Variants in ARHGEF1 observed in about 807,000 individuals in gnomAD.
The protein encoded by ARHGEF1 is Rho guanine nucleotide exchange factor 1, also known as 115 kDa guanine nucleotide exchange factor.
ARHGEF1 carries 40 observed loss-of-function variants against 119.7 expected under a neutral mutation model. The observed-to-expected ratio is 0.33, with a 90% confidence interval of 0.26 to 0.44. The LOEUF is 0.44. ARHGEF1 is among the 20% of genes least tolerant of loss of function. The pLI, the probability that ARHGEF1 is intolerant of heterozygous loss-of-function variation, is 1.00. For synonymous variants in ARHGEF1, 494 were observed against 521.0 expected (o/e 0.95, Z 0.71); for missense variants, 976 against 1,268.3 (o/e 0.77, Z 3.50).
intron 4 of ARHGEF1, chr19:41,890,303 C>T (rs980491589): frequency 1.3e-5 from 2 of 149,106 alleles, no homozygotes; most frequent in African/African-American, 5.0e-5. Context: ...AGTGATTGCA[C>T]CACTGCACTC....
rs782252084 is a variant in ARHGEF1 at position 41,905,846 on chromosome 19, T to C, written c.2404+19T>C. 6 of 1,613,932 alleles carry C rather than the reference T, an allele frequency of 3.7e-6. No individual in the cohort carries two copies. In the Admixed American group the frequency reaches 1.0e-4, roughly 27 times the overall value. ...GCTGATGGTGAGACCAGAGGGATGC[T>C]GGGTGAGGGGCCAGGTTGGGGCTGC... is the stretch of plus-strand genomic sequence containing the variant. On this transcript the variant is annotated intron_variant, in intron 25 of 28. Transcript: ENST00000354532. The surrounding 1 kb of genome is among the most constrained non-coding windows in gnomAD (Gnocchi z 6.4).
chr19:41,887,675 C>G (rs1384053682), intron 1 of ARHGEF1, among the ~76,000 whole-genome samples: 2 of 152,278 alleles, frequency 1.3e-5, no homozygotes, highest in East Asian at 3.9e-4. Flanking sequence ...TCCTCTAACC[C>G]TCCCATCCCC....
chr19:41,884,270 G>T (rs1263105894), intron 1 of ARHGEF1: 2 of 719,846 alleles, frequency 2.8e-6, no homozygotes, highest in Non-Finnish European at 4.5e-6. Context: ...GGCCTGCGTG[G>T]CGCAGTACAG....
intron 14 of ARHGEF1, among the ~76,000 whole-genome samples, chr19:41,900,378 A>C (rs1384435208): frequency 6.6e-6 from 1 of 152,212 alleles, no homozygotes; most frequent in Non-Finnish European, 1.5e-5. Flanking sequence ...CACTGACTTA[A>C]AATTTCATTG....
At chr19:41,923,253 C>T (rs1555852817) in intron 1 of ARHGEF1, 2 of 448,066 alleles carry the variant, frequency 4.5e-6, no homozygotes, top group African/African-American at 2.0e-5. Flanking sequence ...ACTCTAGGCC[C>T]CCGATATTTG....
At position 41,903,840 on chromosome 19, in the gene ARHGEF1, C is replaced by T. The variant is rs1338839775; in HGVS notation, c.1917+56C>T. 6.4e-7 allele frequency: 1 copy of T among 1,565,594 alleles called. No homozygotes were observed. On this transcript the variant is annotated intron_variant, in intron 20 of 28. Transcript: ENST00000354532. The surrounding 1 kb of genome is among the most constrained non-coding windows in gnomAD (Gnocchi z 4.2). ...CCCCTACTCCTTGGCCCAGGGGATT[C>T]TGTGATACAGCCCCCAGCCTGTCCT...
At chr19:41,893,871 T>C (rs12973418) in intron 8 of ARHGEF1, among the ~76,000 whole-genome samples, 2 of 70,082 alleles carry the variant, frequency 2.9e-5, no homozygotes, top group Non-Finnish European at 4.7e-5. Context: ...GGGCCTGGAC[T>C]CCTGGGTCTG....
rs199751095 is a variant in ARHGEF1, at chr19:41,896,455, G to A, written c.1094G>A (p.Ser365Asn). The change falls in exon 13 of 29, where the codon AGT becomes AAT. Residue 365 changes from serine to asparagine, a missense_variant. By Grantham distance (46) the Ser-to-Asn change is conservative. Transcript: ENST00000354532. ...MSLESLAPPE[S>N]TDEGAETESP... The stretch of plus-strand genomic sequence containing the variant: ...CTGGAGTCCTTGGCGCCCCCAGAGA[G>A]TACCGACGAGGGGGCCGAAACCGAG... 2,472 of 1,487,636 alleles carry A rather than the reference G, an allele frequency of 1.7e-3. 3 individuals are homozygous for A. The highest frequency in any genetic ancestry group is 1.8e-3 in the Non-Finnish European group (2,058 of 1,118,914). 92.2% of individuals were successfully genotyped at this position (1,487,636 alleles called of 1,614,324 possible).
At chr19:41,884,411 G>C in intron 1 of ARHGEF1, 2 of 1,597,160 alleles carry the variant, frequency 1.3e-6, no homozygotes, top group East Asian at 2.2e-5. Flanking sequence ...CGACGCGGCG[G>C]CAGGGGTGGG....
chr19:41,892,837 T>C lies in ARHGEF1; in HGVS notation c.602T>C (p.Leu201Pro). 6.4e-7 allele frequency: 1 copy of C among 1,552,496 alleles called. No individual in the cohort carries two copies. The highest frequency in any genetic ancestry group is 8.7e-7 in the Non-Finnish European group (1 of 1,153,036). The change falls in exon 7 of 29, where the codon CTG (leucine) becomes CCG (proline). Residue 201 changes from leucine (L) to proline (P), a missense_variant. This residue lies in a region of ARHGEF1 where 519 missense variants were observed against 580.9 expected (regional missense o/e 0.89). Transcript: ENST00000354532. This position sits in a 1 kb window ranked among gnomAD's most constrained non-coding sequence, Gnocchi z 6.3. Reference sequence around the variant, plus strand: ...GTGGCGGAGCGGCTGCTCATGCACCTGGAGGAGATGCAGTGAGTAGGCCAG... The same window carrying C: ...GTGGCGGAGCGGCTGCTCATGCACCCGGAGGAGATGCAGTGAGTAGGCCAG... ...RHVAERLLMH[L>P]EEMQHTISTD... is the part of the protein sequence containing the mutation.
At chr19:41,920,996 C>G (rs1296901824), upstream of ARHGEF1, among the ~76,000 whole-genome samples, 1 of 152,224 alleles carries the variant, frequency 6.6e-6, no homozygotes, top group African/African-American at 2.4e-5. Flanking sequence ...TCTCAGTCTC[C>G]GCACGATGTC....
chr19:41,906,135 A>C lies in ARHGEF1; in HGVS notation c.2491+110A>C. The stretch of plus-strand genomic sequence containing the variant: ...ATTTCCTTACGCCCAGCTGCCAGAA[A>C]ACAAATGCTCCAAACCCACCCAGCC... On this transcript the variant is annotated intron_variant, in intron 26 of 28. Coordinates refer to ENST00000354532, the MANE Select transcript of ARHGEF1 (RefSeq NM_004706.4). The surrounding 1 kb of genome is among the most constrained non-coding windows in gnomAD (Gnocchi z 4.5). 1 of 1,116,460 alleles carries C rather than the reference A, an allele frequency of 9.0e-7. No homozygotes were observed. The allele number at this position is 1,116,460 out of a possible 1,614,324, so 69.2% of individuals were successfully genotyped here.
At chr19:41,912,230 C>A (rs1209129822), downstream of ARHGEF1, among the ~76,000 whole-genome samples, 1 of 152,220 alleles carries the variant, frequency 6.6e-6, no homozygotes, top group African/African-American at 2.4e-5. Context: ...AGTGTGACCC[C>A]TTCTAGAAAC....
rs976974305 is a variant in ARHGEF1, at chr19:41,895,288, C to T, written c.878-61C>T. The T allele has an allele frequency of 3.5e-5, 54 of 1,544,208 alleles. No individual in the cohort carries two copies. In the African/African-American group the frequency reaches 4.2e-4, roughly 12 times the overall value. On this transcript the variant is annotated intron_variant, in intron 11 of 28. Coordinates refer to ENST00000354532, the MANE Select transcript of ARHGEF1 (RefSeq NM_004706.4). ...GAGCACAGCCTCTTGCATCCCCTGG[C>T]GGTTGTGGATTTGAGTTACTGTTCT... is the stretch of plus-strand genomic sequence containing the variant.
chr19:41,910,716 G>T (rs1350070788), downstream of ARHGEF1, among the ~76,000 whole-genome samples: 1 of 152,084 alleles, frequency 6.6e-6, no homozygotes. This position sits in a 1 kb window ranked among gnomAD's most constrained non-coding sequence, Gnocchi z 4.4. Context: ...AGTCCAGAAC[G>T]ATGTGTGTGT....
chr19:41,893,359 A>AG (rs2074409760), intron 8 of ARHGEF1, 56 bp downstream of exon 8: 14 of 1,160,600 alleles, frequency 1.2e-5, no homozygotes, highest in East Asian at 8.7e-5. Context: ...GAGGGGGCTG[A>AG]GGGCCTGGAC....
chr19:41,912,264 A>G (rs1441809967), downstream of ARHGEF1, among the ~76,000 whole-genome samples: 1 of 152,168 alleles, frequency 6.6e-6, no homozygotes, highest in East Asian at 1.9e-4. Context: ...ACAGGGACAC[A>G]CTGAAATGAG....
chr19:41,892,150 C>A lies in ARHGEF1; in HGVS notation c.324+27C>A, dbSNP rs375398374. The A allele has an allele frequency of 6.3e-7, 1 of 1,597,086 alleles. No individual in the cohort carries two copies. The highest frequency in any genetic ancestry group is 2.2e-5 in the East Asian group (1 of 44,638). On this transcript the variant is annotated intron_variant, in intron 5 of 28. Transcript: ENST00000354532. The surrounding 1 kb of genome is among the most constrained non-coding windows in gnomAD (Gnocchi z 6.3). ...TGAGAGACCTTCAAGCTGCCCCAAC[C>A]CTGCAATCCCTGTTTGGGCCTGCAG...
chr19:41,904,300 C>T lies in ARHGEF1; in HGVS notation c.2078C>T (p.Thr693Ile). The change falls in exon 22 of 29, where the codon ACA becomes ATA. Residue 693 changes from threonine to isoleucine, a missense_variant. Physicochemically the swap from Thr to Ile is moderately conservative, Grantham distance 89 (BLOSUM62 -1). Around this residue, in one of 3 missense-constraint regions of ARHGEF1, gnomAD observed 286 missense variants for 506.8 expected, o/e 0.56. Coordinates refer to ENST00000354532, the MANE Select transcript of ARHGEF1 (RefSeq NM_004706.4). The surrounding 1 kb of genome is among the most constrained non-coding windows in gnomAD (Gnocchi z 8.4). ...ERLLLKSHSR[T>I]LTPTPDGKTM... Reference sequence around the variant, plus strand: ...CTGCTGCTCAAGTCCCATAGCCGGACACTGACGCCCACGCCCGATGGCAAG... The same window carrying T: ...CTGCTGCTCAAGTCCCATAGCCGGATACTGACGCCCACGCCCGATGGCAAG... 6.2e-7 allele frequency: 1 copy of T among 1,611,178 alleles called. No homozygotes were observed. The highest frequency in any genetic ancestry group is 8.5e-7 in the Non-Finnish European group (1 of 1,179,482).
Sources: gnomAD v4.1 joint callset for allele counts (sites outside exome capture counted in the v4.1 genomes callset) on GRCh38, gnomAD v4.1.1 for gene constraint, gnomAD v4.1.1 regional missense constraint, Gnocchi (gnomAD v3.1) non-coding constraint, MANE v1.5 for transcripts, NCBI Gene and HGNC (gene_info 2026-07-23, HGNC 2026-07-21) for gene names.